Variants in PDS5A observed in about 807,000 individuals in gnomAD.
The protein encoded by PDS5A is PDS5 cohesin associated factor A.
A neutral mutation model predicts 167.1 loss-of-function variants in PDS5A; 42 were observed. That is an observed-to-expected ratio of 0.25 (90% confidence interval 0.20 to 0.33). The LOEUF is 0.33. Ranked by LOEUF, PDS5A falls within the 10% of genes least tolerant of loss-of-function variation. PDS5A has a pLI of 1.00. For synonymous variants in PDS5A, 553 were observed against 554.6 expected, an observed-to-expected ratio of 1.00 and a Z score of 0.04; for missense variants, 1,033 against 1,605.9, an observed-to-expected ratio of 0.64 and a Z score of 6.10.
intron 17 of PDS5A, among the ~76,000 whole-genome samples, chr4:39,880,124 T>C (rs1210669754): frequency 6.6e-6 from 1 of 152,034 alleles, no homozygotes; most frequent in Non-Finnish European, 1.5e-5. Context: ...CATTTCCATA[T>C]ATACAGAGAT....
chr4:39,850,840 T>C (rs1321545314), intron 26 of PDS5A, among the ~76,000 whole-genome samples: 1 of 152,210 alleles, frequency 6.6e-6, no homozygotes, highest in African/African-American at 2.4e-5. Flanking sequence ...ATAACTTAAA[T>C]AGACAAATCT....
At chr4:39,920,848 A>C (rs1724894685) in intron 6 of PDS5A, among the ~76,000 whole-genome samples, 1 of 152,244 alleles carries the variant, frequency 6.6e-6, no homozygotes, top group African/African-American at 2.4e-5. Context: ...AAGCGTTTCA[A>C]ATAAAAAGCG....
chr4:39,833,100 A>G (rs1716059410), intron 32 of PDS5A, among the ~76,000 whole-genome samples: 1 of 144,284 alleles, frequency 6.9e-6, no homozygotes, highest in Non-Finnish European at 1.5e-5. Flanking sequence ...CTGAGGCAGG[A>G]GAATTGCTTG....
intron 2 of PDS5A, chr4:39,974,462 C>A: frequency 3.4e-6 from 1 of 293,358 alleles, no homozygotes; most frequent in Non-Finnish European, 6.7e-6. Context: ...ATTTCTCACT[C>A]CCAAAACAGT....
intron 2 of PDS5A, among the ~76,000 whole-genome samples, chr4:39,943,497 A>C (rs1727424834): frequency 6.6e-6 from 1 of 151,730 alleles, no homozygotes. Context: ...TTAAAGATCC[A>C]TTCTGGCCAG....
At chr4:39,886,375 T>G (rs1382158300) in intron 17 of PDS5A, among the ~76,000 whole-genome samples, 1 of 152,188 alleles carries the variant, frequency 6.6e-6, no homozygotes, top group Non-Finnish European at 1.5e-5. Flanking sequence ...TGATAGATAT[T>G]GCATTTAATT....
intron 30 of PDS5A, 29 bp from the exon 31 acceptor site, chr4:39,842,085 A>G (rs1033130203): frequency 1.7e-5 from 24 of 1,372,172 alleles, no homozygotes; most frequent in Non-Finnish European, 2.0e-5. Flanking sequence ...CCAAGACTTC[A>G]TATTTCCATG....
At chr4:39,961,204 T>G (rs1265889050) in intron 2 of PDS5A, among the ~76,000 whole-genome samples, 2 of 152,224 alleles carry the variant, frequency 1.3e-5, no homozygotes, top group African/African-American at 4.8e-5. Context: ...AAGTATAATC[T>G]TGGATTTCAT....
intron 2 of PDS5A, among the ~76,000 whole-genome samples, chr4:39,963,917 T>C (rs927374904): frequency 3.9e-5 from 6 of 151,976 alleles, no homozygotes; most frequent in Non-Finnish European, 5.9e-5. Flanking sequence ...TTAGCTTTTT[T>C]TTCCCCCCCA....
chr4:39,931,027 G>A (rs1403092263), intron 2 of PDS5A, among the ~76,000 whole-genome samples: 7 of 152,174 alleles, frequency 4.6e-5, no homozygotes, highest in Admixed American at 3.3e-4. Flanking sequence ...ATAGAGAAGG[G>A]CTGGATGTGA....
chr4:39,879,286 C>A (rs1004979006), intron 18 of PDS5A, among the ~76,000 whole-genome samples: 12 of 152,112 alleles, frequency 7.9e-5, no homozygotes, highest in African/African-American at 2.9e-4. Flanking sequence ...CAATCTGGAA[C>A]CAACCTTGTC....
At chr4:39,843,572 A>G (rs1177303793) in intron 30 of PDS5A, among the ~76,000 whole-genome samples, 2 of 151,938 alleles carry the variant, frequency 1.3e-5, no homozygotes, top group Non-Finnish European at 2.9e-5. Context: ...ATTAGCTGGG[A>G]GTGGTGGCGT....
chr4:39,908,304 A>C (rs1217170017), intron 11 of PDS5A, 91 bp downstream of exon 11: 1 of 969,882 alleles, frequency 1.0e-6, no homozygotes, highest in African/African-American at 1.6e-5. Flanking sequence ...TTTCACACAG[A>C]AAGACATTAA....
In PDS5A at chr4:39,873,122, G is replaced by A. The variant is rs1205530315; in HGVS notation, c.2300C>T (p.Ala767Val). The stretch of plus-strand genomic sequence containing the variant: ...AGTTATAAGTTGTTCTGGCACATCA[G>A]CATTCAGACTCCTACTGAGTGGCTA... Reference protein sequence around the residue: ...IFEPLSRSLNADVPEQLITPL... With the variant: ...IFEPLSRSLNVDVPEQLITPL... Residue 767 changes from alanine to valine, a missense_variant, in exon 21 of 33, where the codon GCT becomes GTT. By Grantham distance (64) the Ala-to-Val change is moderately conservative. Transcript: ENST00000303538. The A allele has an allele frequency of 6.6e-7, 1 of 1,517,272 alleles. No individual in the cohort carries two copies. Among genetic ancestry groups the A allele is most frequent in the Non-Finnish European group, 9.0e-7 (1 of 1,115,798 alleles). 94.0% of individuals were successfully genotyped at this position (1,517,272 alleles called of 1,614,324 possible).
chr4:39,926,001 GT>G, intron 4 of PDS5A, 68 bp from the exon 5 acceptor site: 2 of 447,590 alleles, frequency 4.5e-6, no homozygotes, highest in South Asian at 1.5e-4. Flanking sequence ...AAAAAACTCA[GT>G]AAAAAATTAA....
chr4:39,956,018 T>C (rs1728891208), intron 2 of PDS5A, among the ~76,000 whole-genome samples: 1 of 151,410 alleles, frequency 6.6e-6, no homozygotes, highest in African/African-American at 2.4e-5. Context: ...CTCGGGAGGC[T>C]GACGTGGGAG....
chr4:39,841,793 C>T (rs538035386), intron 31 of PDS5A, among the ~76,000 whole-genome samples, 155 bp downstream of exon 31: 60 of 152,106 alleles, frequency 3.9e-4, no homozygotes, highest in East Asian at 9.6e-4. Context: ...GAAGTATAGC[C>T]GGGGTGCGGG....
At chr4:39,931,293 C>T (rs1390263244) in intron 2 of PDS5A, among the ~76,000 whole-genome samples, 1 of 151,836 alleles carries the variant, frequency 6.6e-6, no homozygotes, top group Non-Finnish European at 1.5e-5. Context: ...TGGGATTTTG[C>T]CATATGGTGC....
intron 2 of PDS5A, among the ~76,000 whole-genome samples, chr4:39,962,914 A>G (rs536419203): frequency 6.6e-6 from 1 of 152,190 alleles, no homozygotes; most frequent in East Asian, 1.9e-4. Context: ...GTGAGCCAAG[A>G]CTGCACCACT....
Sources: allele counts gnomAD v4.1 joint callset (sites outside exome capture counted in the v4.1 genomes callset), GRCh38; gene constraint gnomAD v4.1.1; transcripts MANE v1.5; gene names NCBI Gene and HGNC (gene_info 2026-07-23, HGNC 2026-07-21).